The following CLEC16A variants were observed in gnomAD, a reference collection of about 807,000 sequenced individuals.
CLEC16A encodes the protein C-type lectin domain containing 16A.
CLEC16A carries 51 observed loss-of-function variants against 109.5 expected under a neutral mutation model. That is an observed-to-expected ratio of 0.47 (90% CI 0.37 to 0.59). The LOEUF is 0.59. Among genes scored for constraint, CLEC16A ranks in the 20% least tolerant of loss-of-function variants. CLEC16A has a pLI of 0.00. For synonymous variants in CLEC16A, 673 were observed against 564.2 expected (o/e 1.19, Z -2.73); for missense variants, 1,339 against 1,394.0 (o/e 0.96, Z 0.63).
At chr16:11,099,575 C>T (rs996781992) in intron 19 of CLEC16A, among the ~76,000 whole-genome samples, 174 of 152,348 alleles carry the variant, frequency 1.1e-3, no homozygotes, top group African/African-American at 4.0e-3. Context: ...CGCTGTCTAG[C>T]AGGTGGGGTA....
At chr16:10,983,312 G>T (rs2043434018) in intron 10 of CLEC16A, among the ~76,000 whole-genome samples, 1 of 152,244 alleles carries the variant, frequency 6.6e-6, no homozygotes, top group South Asian at 2.1e-4. Context: ...AATGTCTACA[G>T]AAGTTGGGCG....
chr16:11,145,827 C>T (rs1207711342), intron 22 of CLEC16A, among the ~76,000 whole-genome samples: 2 of 152,234 alleles, frequency 1.3e-5, no homozygotes, highest in African/African-American at 2.4e-5. Context: ...GGGTGTGAGT[C>T]GGGTCAAGTG....
chr16:11,119,918 GTTTC>G (rs1370398097), intron 19 of CLEC16A, among the ~76,000 whole-genome samples: 8 of 152,076 alleles, frequency 5.3e-5, no homozygotes, highest in African/African-American at 1.9e-4. Context: ...GTCATCTTCA[GTTTC>G]TTTCTTGGAT....
chr16:11,069,726 G>A (rs887712025), intron 19 of CLEC16A, among the ~76,000 whole-genome samples: 2 of 152,080 alleles, frequency 1.3e-5, no homozygotes, highest in African/African-American at 4.8e-5. Flanking sequence ...ATAGGCATGA[G>A]CCACCATACC....
chr16:10,952,319 C>A lies in CLEC16A; in HGVS notation c.81-5463C>A, dbSNP rs542700276. ...GACCAGCCTGGCCAACATGGCTAAA[C>A]CCCATCTCTACTAAAAGTACAAAAA... On this transcript the variant is annotated intron_variant, in intron 1 of 23. Coordinates refer to ENST00000409790, the MANE Select transcript of CLEC16A (RefSeq NM_015226.3). 2.0e-5 allele frequency among the ~76,000 whole-genome samples: 3 copies of A among 152,304 alleles called. No homozygotes were observed. In the East Asian group the frequency reaches 5.8e-4, roughly 29 times the overall value.
At chr16:10,972,528 G>C in intron 5 of CLEC16A, 26 bp from the exon 6 acceptor site, 1 of 1,611,912 alleles carries the variant, frequency 6.2e-7, no homozygotes, top group Non-Finnish European at 8.5e-7. Context: ...TTCCTTCAAT[G>C]ACGATTCCTG....
intron 23 of CLEC16A, among the ~76,000 whole-genome samples, chr16:11,170,379 A>T (rs1012693186): frequency 6.6e-6 from 1 of 152,246 alleles, no homozygotes; most frequent in African/African-American, 2.4e-5. Context: ...TTCATCCCAC[A>T]TGAGGCAGTG....
chr16:11,063,277 CTTTTTTT>C (rs56409015), intron 19 of CLEC16A, among the ~76,000 whole-genome samples: 1 of 79,100 alleles, frequency 1.3e-5, no homozygotes. Flanking sequence ...TTCTTCTTTC[CTTTTTTT>C]TTTTTTTTTT....
chr16:11,085,413 A>G (rs1485911368), intron 19 of CLEC16A, among the ~76,000 whole-genome samples: 1 of 152,284 alleles, frequency 6.6e-6, no homozygotes, highest in East Asian at 1.9e-4. Context: ...GCTGGCAAGC[A>G]GGCAGACTCG....
chr16:11,165,610 C>T (rs1004960831), intron 22 of CLEC16A, among the ~76,000 whole-genome samples: 4 of 152,188 alleles, frequency 2.6e-5, no homozygotes, highest in Admixed American at 1.3e-4. Flanking sequence ...TGTAGTGATA[C>T]TCCAGGTTGT....
At chr16:11,170,379 A>G (rs1012693186) in intron 23 of CLEC16A, among the ~76,000 whole-genome samples, 1 of 152,246 alleles carries the variant, frequency 6.6e-6, no homozygotes, top group Non-Finnish European at 1.5e-5. Flanking sequence ...TTCATCCCAC[A>G]TGAGGCAGTG....
intron 8 of CLEC16A, 123 bp from the exon 9 acceptor site, chr16:10,979,206 C>A: frequency 1.3e-6 from 1 of 773,620 alleles, no homozygotes; most frequent in South Asian, 1.7e-5. Context: ...GCCCTAGGGC[C>A]GTGGAGGAAG....
chr16:11,166,457 C>T lies in CLEC16A; in HGVS notation c.2711C>T (p.Ala904Val). 2.5e-6 allele frequency: 4 copies of T among 1,607,972 alleles called. No individual in the cohort carries two copies. Among genetic ancestry groups the T allele is most frequent in the Non-Finnish European group, 3.4e-6 (4 of 1,179,792 alleles). The change falls in exon 23 of 24, where the codon GCC becomes GTC. Residue 904 changes from alanine to valine, a missense_variant. By Grantham distance (64) the Ala-to-Val change is moderately conservative. Coordinates refer to ENST00000409790, the MANE Select transcript of CLEC16A (RefSeq NM_015226.3). The part of the protein sequence containing the change: ...PSLSSQSPPS[A>V]SGSPSGSGST... Reference sequence around the variant, plus strand: ...CTGTCCTCACAGTCGCCACCCTCCGCCAGCGGGAGCCCCAGCGGCAGCGGG... The same window carrying T: ...CTGTCCTCACAGTCGCCACCCTCCGTCAGCGGGAGCCCCAGCGGCAGCGGG...
intron 10 of CLEC16A, among the ~76,000 whole-genome samples, chr16:10,988,414 C>T (rs1340605407): frequency 1.3e-5 from 2 of 152,092 alleles, no homozygotes; most frequent in Non-Finnish European, 2.9e-5. Context: ...CCCATGAGGA[C>T]AGGGACCATG....
chr16:11,100,411 CCTG>C (rs1450041629), intron 19 of CLEC16A, among the ~76,000 whole-genome samples: 1 of 152,376 alleles, frequency 6.6e-6, no homozygotes. Flanking sequence ...CACCCCTGCT[CCTG>C]CTGTGAAAGC....
chr16:11,044,131 G>C, intron 16 of CLEC16A, 59 bp downstream of exon 16: 3 of 1,453,330 alleles, frequency 2.1e-6, no homozygotes, highest in South Asian at 2.5e-5. Flanking sequence ...ACAGAAGTGT[G>C]GTGTCTGGTT....
intron 13 of CLEC16A, among the ~76,000 whole-genome samples, chr16:11,030,681 G>C (rs909516464): frequency 2.6e-5 from 4 of 152,170 alleles, no homozygotes; most frequent in Admixed American, 6.5e-5. Flanking sequence ...GTCTCACTCT[G>C]TTGCCCAGGC....
intron 18 of CLEC16A, among the ~76,000 whole-genome samples, chr16:11,052,498 A>C (rs1266524706): frequency 1.3e-5 from 2 of 152,286 alleles, no homozygotes; most frequent in Non-Finnish European, 2.9e-5. Flanking sequence ...CTACCTCGGA[A>C]GCCTGGGGGT....
intron 19 of CLEC16A, among the ~76,000 whole-genome samples, chr16:11,112,573 G>A (rs974925647): frequency 6.6e-6 from 1 of 152,052 alleles, no homozygotes; most frequent in African/African-American, 2.4e-5. Flanking sequence ...GCTGAGGCAG[G>A]AGGATCGCTT....
Sources: allele counts gnomAD v4.1 joint callset (sites outside exome capture counted in the v4.1 genomes callset), GRCh38; gene constraint gnomAD v4.1.1; transcripts MANE v1.5; gene names NCBI Gene and HGNC (gene_info 2026-07-23, HGNC 2026-07-21).